WWOX: variants seen among roughly 807,000 people sequenced by gnomAD.
WWOX encodes the protein WW domain containing oxidoreductase, also known as WW domain-containing oxidoreductase.
A neutral mutation model predicts 46.2 loss-of-function variants in WWOX; 69 were observed. The ratio of observed to expected loss-of-function variants is 1.49; its 90% CI spans 1.23 to 1.82. The LOEUF is 1.82. Ranked by LOEUF, WWOX falls within the 40% of genes most tolerant of loss-of-function variation. The pLI, the probability that WWOX is intolerant of heterozygous loss-of-function variation, is 0.00. For synonymous variants in WWOX, 359 were observed against 202.6 expected, an observed-to-expected ratio of 1.77 and a Z score of -6.56; for missense variants, 919 against 542.6, an observed-to-expected ratio of 1.69 and a Z score of -6.89.
chr16:79,102,285 T>C (rs1030852989), intron 8 of WWOX, among the ~76,000 whole-genome samples: 5 of 152,154 alleles, frequency 3.3e-5, no homozygotes, highest in Non-Finnish European at 7.4e-5. Context: ...GTCTTGTGAC[T>C]ATGGACAAGA....
intron 8 of WWOX, chr16:78,506,695 G>GTTTTTTTTTTT (rs1159884484): frequency 1.2e-4 from 1 of 8,638 alleles, no homozygotes; most frequent in African/African-American, 3.1e-4. Flanking sequence ...CTTTTTGTGT[G>GTTTTTTTTTTT]TTTTTTTTTT....
chr16:78,930,517 C>G (rs915118146), intron 8 of WWOX, among the ~76,000 whole-genome samples: 1 of 148,382 alleles, frequency 6.7e-6, no homozygotes, highest in African/African-American at 2.5e-5. Context: ...TCTTGAACTC[C>G]TAGCCTCAAG....
At chr16:78,378,160 G>A (rs556475462) in intron 5 of WWOX, among the ~76,000 whole-genome samples, 1 of 152,014 alleles carries the variant, frequency 6.6e-6, no homozygotes, top group Admixed American at 6.6e-5. Flanking sequence ...GGCTTTGCTA[G>A]GGATCATTTT....
chr16:78,773,569 C>G (rs956965853), intron 8 of WWOX, among the ~76,000 whole-genome samples: 3 of 152,192 alleles, frequency 2.0e-5, no homozygotes, highest in Non-Finnish European at 4.4e-5. Context: ...GTGGGGCTCT[C>G]ACTTATTCAT....
intron 8 of WWOX, among the ~76,000 whole-genome samples, chr16:78,759,244 C>G (rs1227344382): frequency 6.6e-6 from 1 of 152,054 alleles, no homozygotes; most frequent in Non-Finnish European, 1.5e-5. Flanking sequence ...AGGTGAATGC[C>G]AAGATGTTTT....
Position 78,350,732 on chromosome 16 carries a change from G to A in WWOX, c.517-36128G>A, listed in dbSNP as rs753237666. Among the ~76,000 whole-genome samples, 2 of 120,608 alleles carry A rather than the reference G, an allele frequency of 1.7e-5. 1 individual carries two copies. The highest frequency in any genetic ancestry group is 1.6e-4 in the Admixed American group (2 of 12,342). 79.1% of individuals were successfully genotyped at this position (120,608 alleles called of 152,430 possible). ...ACATGTAGGTTGTTTCCACATTTTGGCTATTGTGCATAATGCTTCCAGGTA... is the reference window on the plus strand; with the variant it reads ...ACATGTAGGTTGTTTCCACATTTTGACTATTGTGCATAATGCTTCCAGGTA... On this transcript the variant is annotated intron_variant, in intron 5 of 8. Coordinates refer to ENST00000566780, the MANE Select transcript of WWOX (RefSeq NM_016373.4).
At chr16:78,354,846 G>C (rs891253840) in intron 5 of WWOX, among the ~76,000 whole-genome samples, 4 of 152,104 alleles carry the variant, frequency 2.6e-5, no homozygotes, top group African/African-American at 9.7e-5. Flanking sequence ...CAAAAACAGA[G>C]ATGACAGCCA....
intron 8 of WWOX, among the ~76,000 whole-genome samples, chr16:79,014,330 G>T (rs1197545001): frequency 6.6e-6 from 1 of 152,142 alleles, no homozygotes; most frequent in East Asian, 1.9e-4. Flanking sequence ...TCTGCTGGCA[G>T]TCGGGCAGTG....
At chr16:79,131,219 C>T (rs1017643777) in intron 8 of WWOX, among the ~76,000 whole-genome samples, 5 of 152,150 alleles carry the variant, frequency 3.3e-5, no homozygotes, top group African/African-American at 9.7e-5. Context: ...GCTGGTCTCT[C>T]CCTTCCTCCA....
At chr16:79,188,631 T>C (rs1174423791) in intron 8 of WWOX, among the ~76,000 whole-genome samples, 1 of 152,230 alleles carries the variant, frequency 6.6e-6, no homozygotes, top group Non-Finnish European at 1.5e-5. Flanking sequence ...CTGAGCCATC[T>C]GTTGCTAGGC....
At position 79,052,958 on chromosome 16, in the gene WWOX, G is replaced by C. The variant is rs28522573; in HGVS notation, c.1057-158650G>C. ...TCATGGGGACCCTGGGAGTATGTTT[G>C]TGTATTTGGGGGTTGGGATGGGGGG... is the stretch of plus-strand genomic sequence containing the variant. On this transcript the variant is annotated intron_variant, in intron 8 of 8. Coordinates refer to ENST00000566780, the MANE Select transcript of WWOX (RefSeq NM_016373.4). Among the ~76,000 whole-genome samples, 122 of 127,400 alleles carry C rather than the reference G, an allele frequency of 9.6e-4. 1 individual carries two copies. The highest frequency in any genetic ancestry group is 3.4e-3 in the African/African-American group (115 of 34,030). 83.6% of individuals were successfully genotyped at this position (127,400 alleles called of 152,430 possible).
intron 8 of WWOX, among the ~76,000 whole-genome samples, chr16:79,051,674 A>C (rs1017168740): frequency 6.6e-6 from 1 of 152,218 alleles, no homozygotes; most frequent in Admixed American, 6.5e-5. Context: ...TTTGATTTGC[A>C]CTGTTTCACT....
chr16:78,184,009 G>A (rs1201345337), intron 5 of WWOX, among the ~76,000 whole-genome samples: 2 of 152,084 alleles, frequency 1.3e-5, no homozygotes, highest in Non-Finnish European at 1.5e-5. Context: ...CACATCAAGG[G>A]CTCAATTGCA....
At position 78,432,740 on chromosome 16, in the gene WWOX, C is replaced by G; in HGVS notation, c.1044C>G (p.Phe348Leu). 1 of 1,614,210 alleles carries G rather than the reference C, an allele frequency of 6.2e-7. No homozygotes were observed. The highest frequency in any genetic ancestry group is 8.5e-7 in the Non-Finnish European group (1 of 1,180,046). Residue 348 changes from phenylalanine (F) to leucine (L), a missense_variant, in exon 8 of 9, where the codon TTC becomes TTG. Physicochemically the swap from Phe to Leu is conservative, Grantham distance 22 (BLOSUM62 0). Coordinates refer to ENST00000566780, the MANE Select transcript of WWOX (RefSeq NM_016373.4). ...YTLLFTLARP[F>L]TKSMQQGAAT... is the part of the protein sequence containing the mutation. ...TGCTGTTTACCTTGGCGAGGCCTTTCACCAAGTCCATGGTAAGAGAACAGC... is the reference window on the plus strand; with the variant it reads ...TGCTGTTTACCTTGGCGAGGCCTTTGACCAAGTCCATGGTAAGAGAACAGC...
At chr16:78,278,689 G>A (rs759444929) in intron 5 of WWOX, 2 of 1,579,720 alleles carry the variant, frequency 1.3e-6, no homozygotes, top group Non-Finnish European at 1.7e-6. Context: ...ATCTTGAATA[G>A]TCTCATCAAT....
intron 8 of WWOX, among the ~76,000 whole-genome samples, chr16:79,117,515 T>C (rs1005043000): frequency 6.6e-6 from 1 of 152,222 alleles, no homozygotes; most frequent in African/African-American, 2.4e-5. Flanking sequence ...TGGCTTCAAC[T>C]TGAAGTCACC....
chr16:78,734,628 G>T (rs1234883578), intron 8 of WWOX, among the ~76,000 whole-genome samples: 1 of 151,816 alleles, frequency 6.6e-6, no homozygotes, highest in South Asian at 2.1e-4. Flanking sequence ...CCAGTCACAG[G>T]GTGCCCACAT....
intron 8 of WWOX, among the ~76,000 whole-genome samples, chr16:78,881,981 G>A (rs1194852175): frequency 6.6e-6 from 1 of 151,918 alleles, no homozygotes; most frequent in African/African-American, 2.4e-5. Flanking sequence ...CAAAAATTAG[G>A]TGGGTGTGGT....
At chr16:78,571,645 G>A (rs915736893) in intron 8 of WWOX, among the ~76,000 whole-genome samples, 1 of 152,136 alleles carries the variant, frequency 6.6e-6, no homozygotes, top group South Asian at 2.1e-4. Flanking sequence ...AAGGCAGGTG[G>A]ATTACTTGAG....
Sources: gnomAD v4.1 joint callset for allele counts (sites outside exome capture counted in the v4.1 genomes callset) on GRCh38, gnomAD v4.1.1 for gene constraint, MANE v1.5 for transcripts, NCBI Gene and HGNC (gene_info 2026-07-23, HGNC 2026-07-21) for gene names.